Variants in UIMC1 observed in about 807,000 individuals in gnomAD.
UIMC1 encodes the protein BRCA1-A complex subunit RAP80.
A neutral mutation model predicts 84.9 loss-of-function variants in UIMC1; 42 were observed. The observed-to-expected ratio is 0.49, with a 90% CI of 0.39 to 0.64. The LOEUF is 0.64. UIMC1 is among the 30% of genes least tolerant of loss of function. The pLI is 0.00. For missense variants in UIMC1, 825 were observed against 847.6 expected, an observed-to-expected ratio of 0.97 and a Z score of 0.33; for synonymous variants, 281 against 293.0, an observed-to-expected ratio of 0.96 and a Z score of 0.42.
intron 1 of UIMC1, among the ~76,000 whole-genome samples, chr5:176,987,845 C>A (rs563804292): frequency 6.7e-6 from 1 of 150,172 alleles, no homozygotes; most frequent in Non-Finnish European, 1.5e-5. Flanking sequence ...AGACATCAAA[C>A]GTAAAAGTAG....
At chr5:176,966,855 T>C (rs972458075) in intron 6 of UIMC1, among the ~76,000 whole-genome samples, 5 of 152,130 alleles carry the variant, frequency 3.3e-5, no homozygotes, top group East Asian at 3.9e-4. Flanking sequence ...CACAAACCAA[T>C]AGATTATCAA....
chr5:176,964,591 T>G (rs1768010363), intron 6 of UIMC1, among the ~76,000 whole-genome samples: 1 of 152,184 alleles, frequency 6.6e-6, no homozygotes, highest in Non-Finnish European at 1.5e-5. Flanking sequence ...ATATAGCCAT[T>G]AAAAGTGAAA....
At chr5:176,986,805 G>A (rs1445812850) in intron 1 of UIMC1, among the ~76,000 whole-genome samples, 1 of 151,890 alleles carries the variant, frequency 6.6e-6, no homozygotes, top group East Asian at 1.9e-4. Context: ...ATTATACTTA[G>A]GGTTCTAGGC....
chr5:176,984,143 C>T (rs539035926), intron 1 of UIMC1, among the ~76,000 whole-genome samples: 5 of 128,982 alleles, frequency 3.9e-5, no homozygotes, highest in South Asian at 5.5e-4. Flanking sequence ...TGCCTCTGCC[C>T]GGCCGCCCTG....
At chr5:176,910,805 T>C (rs1760038338) in intron 11 of UIMC1, among the ~76,000 whole-genome samples, 1 of 151,996 alleles carries the variant, frequency 6.6e-6, no homozygotes, top group Non-Finnish European at 1.5e-5. Context: ...AAAAAGAAAT[T>C]CAGGGCTGGG....
Position 176,970,865 on chromosome 5 carries a change from C to A in UIMC1, c.234G>T (p.Gln78His). The A allele has an allele frequency of 6.2e-7, 1 of 1,613,704 alleles. No homozygotes were observed. Residue 78 changes from glutamine (Q) to histidine (H), a missense_variant and splice_region_variant, in exon 4 of 15, where the codon CAG becomes CAT. By Grantham distance (24) the Gln-to-His change is conservative. Coordinates refer to ENST00000511320, the MANE Select transcript of UIMC1 (RefSeq NM_001199298.2). ...GAGCAAACTGTTCTTCTTCTGTCAT[C>A]TCTGTAAGAGGATAGGGAAAAGAGA... ...AKCLAKRKIAQMTEEEQFALA... is the reference protein window; with the variant it reads ...AKCLAKRKIAHMTEEEQFALA...
upstream of UIMC1, among the ~76,000 whole-genome samples, chr5:177,007,322 C>T (rs1318930392): frequency 6.7e-5 from 8 of 120,218 alleles, no homozygotes; most frequent in Admixed American, 1.1e-4. Context: ...GCCTGGGCAA[C>T]AGAGCGAGAC....
rs1196475321 is a variant in UIMC1, at chr5:176,995,158, A to G, written c.-9+11492T>C. 2.0e-5 allele frequency among the ~76,000 whole-genome samples: 3 copies of G among 152,118 alleles called. No individual in the cohort carries two copies. In the East Asian group the frequency reaches 5.8e-4, roughly 29 times the overall value. On this transcript the variant is annotated intron_variant, in intron 1 of 14. Transcript: ENST00000511320. ...CTATTAATTACTCAGTAGAAATGAAAACATTACCACCCAAAAACTTGTATA... is the reference window on the plus strand; with the variant it reads ...CTATTAATTACTCAGTAGAAATGAAGACATTACCACCCAAAAACTTGTATA...
intron 10 of UIMC1, among the ~76,000 whole-genome samples, chr5:176,924,601 G>T (rs1057328562): frequency 6.6e-6 from 1 of 151,690 alleles, no homozygotes. Context: ...CTATATAGAA[G>T]AAATAAACCT....
chr5:176,963,157 T>TAAAAAAAAAAAAAAA (rs70991588), intron 6 of UIMC1, among the ~76,000 whole-genome samples: 6 of 13,960 alleles, frequency 4.3e-4, no homozygotes, highest in Non-Finnish European at 6.7e-4. Context: ...AAAAATAAAT[T>TAAAAAAAAAAAAAAA]AAAAAAAAAA....
chr5:176,920,188 A>T (rs1487758714), intron 10 of UIMC1, among the ~76,000 whole-genome samples: 1 of 147,592 alleles, frequency 6.8e-6, no homozygotes, highest in Non-Finnish European at 1.5e-5. Flanking sequence ...TGCCTGGCTA[A>T]TTTTTTTTTT....
At position 176,905,462 on chromosome 5, in the gene UIMC1, G is replaced by C; in HGVS notation, c.1980C>G (p.Gly660=). ...RVPSPGMEEA[G]CSREMQSSFT... ...AAGAACTCTGCATCTCTCTGCTGCA[G>C]CCTGCCTCTTCCATCCCTGGTGAAG... The change falls in exon 15 of 15, where the codon GGC becomes GGG. Residue 660 remains glycine, a synonymous_variant. Transcript: ENST00000511320. The C allele has an allele frequency of 6.2e-7, 1 of 1,614,066 alleles. No individual in the cohort carries two copies. Among genetic ancestry groups the C allele is most frequent in the South Asian group, 1.1e-5 (1 of 91,086 alleles).
intron 6 of UIMC1, among the ~76,000 whole-genome samples, chr5:176,961,057 T>C (rs1283501372): frequency 1.6e-5 from 1 of 64,208 alleles, no homozygotes; most frequent in Non-Finnish European, 2.8e-5. Context: ...CGCCACCCCG[T>C]CTGGGAAGTG....
At chr5:176,997,296 T>A (rs998644195) in intron 1 of UIMC1, among the ~76,000 whole-genome samples, 1 of 152,102 alleles carries the variant, frequency 6.6e-6, no homozygotes, top group African/African-American at 2.4e-5. Flanking sequence ...AACAGACTCA[T>A]AACTGGGTTC....
chr5:176,937,606 G>A (rs1166160784), intron 10 of UIMC1, among the ~76,000 whole-genome samples: 5 of 152,200 alleles, frequency 3.3e-5, no homozygotes, highest in East Asian at 1.9e-4. Context: ...TAACCAGTGC[G>A]TAGTATTATA....
chr5:176,968,356 G>A (rs1442989077), intron 6 of UIMC1, among the ~76,000 whole-genome samples, 199 bp downstream of exon 6: 2 of 151,214 alleles, frequency 1.3e-5, no homozygotes, highest in African/African-American at 2.4e-5. Context: ...CTGGGAGACA[G>A]AGCGAGACTC....
At chr5:176,926,661 G>A (rs1762419867) in intron 10 of UIMC1, among the ~76,000 whole-genome samples, 1 of 149,250 alleles carries the variant, frequency 6.7e-6, no homozygotes, top group Admixed American at 6.7e-5. Context: ...ACAACAACAA[G>A]AGATGCATAC....
In UIMC1 at chr5:176,986,658, T is replaced by C. The variant is rs577839551; in HGVS notation, c.-8-4035A>G. ...AGTTAAGAGACCAGCCTCATCAACA[T>C]AGCAAGACCCTGTCTCTACAAAAAA... On this transcript the variant is annotated intron_variant, in intron 1 of 14. Coordinates refer to ENST00000511320, the MANE Select transcript of UIMC1 (RefSeq NM_001199298.2). 1.0e-3 allele frequency among the ~76,000 whole-genome samples: 156 copies of C among 150,034 alleles called. 1 individual carries two copies. Among genetic ancestry groups the C allele is most frequent in the African/African-American group, 2.1e-3 (86 of 40,746 alleles).
intron 4 of UIMC1, chr5:176,970,031 G>A (rs189659907): frequency 1.6e-3 from 346 of 211,294 alleles, no homozygotes; most frequent in African/African-American, 7.4e-3. Context: ...AGCACTTTGG[G>A]AGGCTGAGGC....
Sources: gnomAD v4.1 joint callset for allele counts (sites outside exome capture counted in the v4.1 genomes callset) on GRCh38, gnomAD v4.1.1 for gene constraint, MANE v1.5 for transcripts, NCBI Gene and HGNC (gene_info 2026-07-23, HGNC 2026-07-21) for gene names.